EFHD1: variants seen among roughly 807,000 people sequenced by gnomAD.
EFHD1 encodes the protein EF-hand domain family member D1, also known as EF-hand domain-containing protein D1.
EFHD1 carries 10 observed loss-of-function variants against 17.2 expected under a neutral mutation model. That is an observed-to-expected ratio of 0.58 (90% CI 0.36 to 0.99). The LOEUF is 0.99. EFHD1 is among the 50% of genes least tolerant of loss of function. The pLI, the probability that EFHD1 is intolerant of heterozygous loss-of-function variation, is 0.01. For missense variants in EFHD1, 310 were observed against 327.5 expected (o/e 0.95, Z 0.41); for synonymous variants, 153 against 142.0 (o/e 1.08, Z -0.55).
intron 2 of EFHD1, among the ~76,000 whole-genome samples, chr2:232,666,973 A>G (rs1694978576): frequency 6.6e-6 from 1 of 152,228 alleles, no homozygotes; most frequent in Non-Finnish European, 1.5e-5. Context: ...TGTCCTTAAA[A>G]TAGCTGTGTG....
intron 1 of EFHD1, among the ~76,000 whole-genome samples, chr2:232,623,713 G>GAAGA (rs1444745151): frequency 1.6e-5 from 2 of 125,546 alleles, no homozygotes; most frequent in South Asian, 2.5e-4. Context: ...AGAAGAAGAA[G>GAAGA]AAGAAAGAAA....
intron 1 of EFHD1, among the ~76,000 whole-genome samples, chr2:232,612,898 A>G (rs1037732713): frequency 6.6e-6 from 1 of 151,580 alleles, no homozygotes; most frequent in African/African-American, 2.4e-5. Flanking sequence ...ACGTCCAGCT[A>G]ATTTTTGTAT....
intron 2 of EFHD1, 93 bp from the exon 3 acceptor site, chr2:232,672,216 T>C (rs11684420): frequency 0.37 from 572,272 of 1,535,512 alleles, 110,224 homozygotes; most frequent in East Asian, 0.52. Context: ...CTTTCTTAAG[T>C]GATTGGCAGA....
At chr2:232,621,114 G>A (rs1420782287) in intron 1 of EFHD1, among the ~76,000 whole-genome samples, 2 of 152,172 alleles carry the variant, frequency 1.3e-5, no homozygotes, top group East Asian at 3.8e-4. Flanking sequence ...ATGGCTCCCT[G>A]CTGTTTCCAA....
At position 232,652,470 on chromosome 2, in the gene EFHD1, C is replaced by A. The variant is rs79529279; in HGVS notation, c.303-10332C>A. ...CTTGAAACCCCGGGTTCATTCTGAT[C>A]CCCAGGAATTCACTTACTTCAGTTT... On this transcript the variant is annotated intron_variant, in intron 1 of 3. Transcript: ENST00000264059. 2.4e-3 allele frequency among the ~76,000 whole-genome samples: 372 copies of A among 152,178 alleles called. 14 individuals carry two copies. In the East Asian group the frequency reaches 0.057, roughly 23 times the overall value.
intron 1 of EFHD1, among the ~76,000 whole-genome samples, chr2:232,661,157 A>C (rs892991004): frequency 1.8e-4 from 11 of 61,650 alleles, no homozygotes; most frequent in Admixed American, 6.0e-4. Context: ...CAAAAAAAAA[A>C]CAAAAACAAA....
At chr2:232,656,612 A>G (rs939050541) in intron 1 of EFHD1, among the ~76,000 whole-genome samples, 1 of 151,298 alleles carries the variant, frequency 6.6e-6, no homozygotes, top group Non-Finnish European at 1.5e-5. Flanking sequence ...ATTTTTTTAT[A>G]TTTTTGAAGA....
upstream of EFHD1, among the ~76,000 whole-genome samples, chr2:232,628,967 C>T (rs1194358148): frequency 5.9e-5 from 9 of 151,912 alleles, no homozygotes; most frequent in Admixed American, 3.9e-4. Flanking sequence ...GCCCAGGCCA[C>T]GTGGAGAGGC....
chr2:232,642,207 AC>A (rs1250242492), intron 1 of EFHD1, among the ~76,000 whole-genome samples: 1 of 151,574 alleles, frequency 6.6e-6, no homozygotes, highest in Middle Eastern at 3.2e-3. Context: ...ATATGGTGAA[AC>A]CCCGTCTCTA....
At chr2:232,614,043 A>T (rs978686335) in intron 1 of EFHD1, among the ~76,000 whole-genome samples, 10 of 47,820 alleles carry the variant, frequency 2.1e-4, no homozygotes, top group East Asian at 7.7e-4. Flanking sequence ...AACATACACA[A>T]ACACACACAT....
chr2:232,613,783 C>CACACATATACACACAAAAATAT, intron 1 of EFHD1, among the ~76,000 whole-genome samples: 1 of 149,958 alleles, frequency 6.7e-6, no homozygotes, highest in Non-Finnish European at 1.5e-5. Context: ...CACAAATATA[C>CACACATATACACACAAAAATAT]ACACACATAT....
intron 2 of EFHD1, among the ~76,000 whole-genome samples, chr2:232,671,463 C>T (rs1695066640): frequency 1.3e-5 from 2 of 152,026 alleles, no homozygotes; most frequent in Admixed American, 1.3e-4. Flanking sequence ...CAGTGGCTCA[C>T]ACCTGTAATC....
At chr2:232,672,279 C>T (rs537796208) in intron 2 of EFHD1, 30 bp from the exon 3 acceptor site, 63 of 1,614,128 alleles carry the variant, frequency 3.9e-5, no homozygotes, top group Admixed American at 2.0e-4. Context: ...GTGAGACTGA[C>T]TCTGGTTCCC....
At chr2:232,636,789 C>T (rs1256006780) in intron 1 of EFHD1, among the ~76,000 whole-genome samples, 3 of 152,332 alleles carry the variant, frequency 2.0e-5, no homozygotes, top group Admixed American at 6.5e-5. Context: ...CGCCATTGCA[C>T]TCTAGCCTGG....
intron 2 of EFHD1, among the ~76,000 whole-genome samples, chr2:232,664,470 G>A (rs532000484): frequency 2.0e-5 from 3 of 151,336 alleles, no homozygotes; most frequent in Admixed American, 1.3e-4. Context: ...AAAAAATTTT[G>A]TGGTTGTTTA....
chr2:232,681,377 A>T (rs1359303950), intron 3 of EFHD1, among the ~76,000 whole-genome samples: 1 of 152,218 alleles, frequency 6.6e-6, no homozygotes, highest in Non-Finnish European at 1.5e-5. Flanking sequence ...CAACAAATAC[A>T]GTGATGTGTT....
intron 1 of EFHD1, among the ~76,000 whole-genome samples, chr2:232,651,197 C>T (rs932465738): frequency 1.3e-5 from 2 of 152,206 alleles, no homozygotes; most frequent in African/African-American, 4.8e-5. Context: ...CTCCCCAGGC[C>T]TCCCACTTTC....
chr2:232,681,791 C>T lies in EFHD1; in HGVS notation c.*72C>T, dbSNP rs1391092766. On this transcript the variant is annotated 3_prime_UTR_variant, in exon 4 of 4. Transcript: ENST00000264059. ...CCGAGAAGAGATGACTAGGCATCTT[C>T]ATCACTGCTGTCGGTCCCCTCCCTG... 18 of 1,552,608 alleles carry T rather than the reference C, an allele frequency of 1.2e-5. No homozygotes were observed. The highest frequency in any genetic ancestry group is 1.2e-5 in the South Asian group (1 of 81,900).
At chr2:232,619,651 T>C (rs1693986992) in intron 1 of EFHD1, among the ~76,000 whole-genome samples, 1 of 151,996 alleles carries the variant, frequency 6.6e-6, no homozygotes, top group African/African-American at 2.4e-5. Flanking sequence ...TTTTCTGGAA[T>C]GATGAAAAAA....
Sources: allele counts gnomAD v4.1 joint callset (sites outside exome capture counted in the v4.1 genomes callset), GRCh38; gene constraint gnomAD v4.1.1; transcripts MANE v1.5; gene names NCBI Gene and HGNC (gene_info 2026-07-23, HGNC 2026-07-21).